The following SLC25A21 variants were observed in gnomAD, a reference collection of about 807,000 sequenced individuals.
SLC25A21 encodes the protein solute carrier family 25 member 21.
SLC25A21 carries 47 observed loss-of-function variants against 43.8 expected under a neutral mutation model. The ratio of observed to expected loss-of-function variants is 1.07; its 90% CI spans 0.85 to 1.37. SLC25A21 has a LOEUF of 1.37. Among genes scored for constraint, SLC25A21 ranks in the 40% most tolerant of loss-of-function variants. The pLI is 0.00. For synonymous variants in SLC25A21, 131 were observed against 121.3 expected (o/e 1.08, Z -0.52); for missense variants, 352 against 350.2 (o/e 1.00, Z -0.04).
At chr14:37,153,854 G>A (rs767106945) in intron 1 of SLC25A21, among the ~76,000 whole-genome samples, 3 of 152,074 alleles carry the variant, frequency 2.0e-5, no homozygotes, top group Non-Finnish European at 4.4e-5. Context: ...TGACCTATCT[G>A]CAAGCCCCAC....
chr14:37,090,845 T>C (rs1566873922), intron 1 of SLC25A21, among the ~76,000 whole-genome samples: 1 of 152,208 alleles, frequency 6.6e-6, no homozygotes, highest in Non-Finnish European at 1.5e-5. Flanking sequence ...ATTCTAATTA[T>C]CTGCACTAGT....
At chr14:36,861,989 G>A (rs1890077650) in intron 2 of SLC25A21, among the ~76,000 whole-genome samples, 1 of 152,158 alleles carries the variant, frequency 6.6e-6, no homozygotes. Flanking sequence ...CATTTATGTG[G>A]CCAACAAACA....
chr14:37,048,272 C>A (rs896396754), intron 1 of SLC25A21, among the ~76,000 whole-genome samples: 1 of 152,142 alleles, frequency 6.6e-6, no homozygotes, highest in Non-Finnish European at 1.5e-5. Context: ...AAGATTAAGA[C>A]AGACCCTACA....
chr14:37,077,739 G>A (rs1041901051), intron 1 of SLC25A21, among the ~76,000 whole-genome samples: 5 of 152,006 alleles, frequency 3.3e-5, no homozygotes, highest in Non-Finnish European at 7.4e-5. Flanking sequence ...GTGCTTTGTC[G>A]AAATTCACAT....
intron 5 of SLC25A21, among the ~76,000 whole-genome samples, chr14:36,728,153 G>T (rs1437241170): frequency 6.6e-6 from 1 of 151,964 alleles, no homozygotes; most frequent in Non-Finnish European, 1.5e-5. Flanking sequence ...GAGCACCAGG[G>T]GACATTTAAC....
intron 1 of SLC25A21, among the ~76,000 whole-genome samples, chr14:37,034,675 G>A (rs17106029): frequency 0.07 from 10,645 of 152,142 alleles, 794 homozygotes; most frequent in African/African-American, 0.19. Flanking sequence ...CTCACTCTTC[G>A]CCTCCACAGC....
intron 6 of SLC25A21, among the ~76,000 whole-genome samples, chr14:36,714,821 G>C (rs564124299): frequency 5.3e-5 from 8 of 152,306 alleles, no homozygotes; most frequent in African/African-American, 1.9e-4. Context: ...ACTCACCCAA[G>C]ATTACAGAGT....
chr14:36,734,014 G>A (rs1299584469), intron 4 of SLC25A21, among the ~76,000 whole-genome samples: 1 of 151,818 alleles, frequency 6.6e-6, no homozygotes, highest in African/African-American at 2.4e-5. Context: ...AGACTAAGGG[G>A]GAAAATGAAG....
intron 3 of SLC25A21, among the ~76,000 whole-genome samples, chr14:36,770,801 T>C (rs189750355): frequency 6.6e-6 from 1 of 152,342 alleles, no homozygotes; most frequent in African/African-American, 2.4e-5. Context: ...CATTTTGCCA[T>C]ATATAATTAT....
chr14:37,057,803 G>A (rs1032419993), intron 1 of SLC25A21, among the ~76,000 whole-genome samples: 1 of 152,118 alleles, frequency 6.6e-6, no homozygotes, highest in Non-Finnish European at 1.5e-5. Context: ...CATTTTGAGA[G>A]CGTTTTCCCT....
chr14:36,876,924 G>A (rs1428671498), intron 1 of SLC25A21, among the ~76,000 whole-genome samples: 44 of 137,038 alleles, frequency 3.2e-4, no homozygotes, highest in Non-Finnish European at 4.1e-4. Context: ...TAGATAGATA[G>A]ATAGATAGAT....
intron 1 of SLC25A21, among the ~76,000 whole-genome samples, chr14:36,898,860 C>T (rs1209892808): frequency 6.6e-6 from 1 of 152,106 alleles, no homozygotes; most frequent in Non-Finnish European, 1.5e-5. Context: ...TTTGAAAGGC[C>T]TGTTGTACAA....
chr14:36,996,929 T>C (rs750985016), intron 1 of SLC25A21, among the ~76,000 whole-genome samples: 3 of 152,116 alleles, frequency 2.0e-5, no homozygotes, highest in Non-Finnish European at 4.4e-5. Context: ...CCTTGGAATT[T>C]TACCTACTTC....
At chr14:36,973,520 T>C (rs1396067107) in intron 1 of SLC25A21, among the ~76,000 whole-genome samples, 6 of 152,088 alleles carry the variant, frequency 3.9e-5, no homozygotes, top group Non-Finnish European at 8.8e-5. Context: ...ATTTATTGCA[T>C]TAGAGGGACA....
At chr14:36,999,259 A>T (rs1960436299) in intron 1 of SLC25A21, among the ~76,000 whole-genome samples, 1 of 152,204 alleles carries the variant, frequency 6.6e-6, no homozygotes, top group African/African-American at 2.4e-5. Context: ...CGTATTACTC[A>T]CTGAAAGAAG....
intron 3 of SLC25A21, chr14:36,759,706 T>TTATA (rs1886068122): frequency 6.6e-6 from 1 of 152,198 alleles, no homozygotes; most frequent in Non-Finnish European, 1.5e-5. Flanking sequence ...ACTCAAGCAG[T>TTATA]TATAGCTCAC....
At chr14:36,803,312 A>G (rs1388307991) in intron 3 of SLC25A21, among the ~76,000 whole-genome samples, 3 of 152,206 alleles carry the variant, frequency 2.0e-5, no homozygotes, top group African/African-American at 7.2e-5. Context: ...CCAGGTCTCT[A>G]GTTATCAATA....
chr14:37,104,696 C>T (rs962116945), intron 1 of SLC25A21, among the ~76,000 whole-genome samples: 22 of 152,174 alleles, frequency 1.4e-4, no homozygotes, highest in African/African-American at 4.6e-4. Context: ...CCTCTTTTTA[C>T]AGATAATGAA....
At chr14:36,900,537 A>G (rs990311014) in intron 1 of SLC25A21, among the ~76,000 whole-genome samples, 3 of 152,160 alleles carry the variant, frequency 2.0e-5, no homozygotes, top group Non-Finnish European at 4.4e-5. Flanking sequence ...TAACAACCCA[A>G]TGACAATGGT....
Sources: gnomAD v4.1 joint callset for allele counts (sites outside exome capture counted in the v4.1 genomes callset) on GRCh38, gnomAD v4.1.1 for gene constraint, MANE v1.5 for transcripts, NCBI Gene and HGNC (gene_info 2026-07-23, HGNC 2026-07-21) for gene names.